The following ZBTB20 variants were observed in gnomAD, a reference collection of about 807,000 sequenced individuals.
The protein encoded by ZBTB20 is zinc finger and BTB domain containing 20.
In ZBTB20, 9 loss-of-function variants were observed where a neutral mutation model predicts 56.9. The ratio of observed to expected loss-of-function variants is 0.16; its 90% CI spans 0.10 to 0.28. ZBTB20 has a LOEUF of 0.28. Among genes scored for constraint, ZBTB20 ranks in the 10% least tolerant of loss-of-function variants. The pLI is 1.00. For missense variants in ZBTB20, 655 were observed against 1,003.0 expected (o/e 0.65, Z 4.69); for synonymous variants, 417 against 420.7 (o/e 0.99, Z 0.11).
intron 4 of ZBTB20, among the ~76,000 whole-genome samples, chr3:114,854,803 A>G (rs1476967653): frequency 1.3e-5 from 2 of 152,324 alleles, no homozygotes; most frequent in Admixed American, 6.5e-5. Flanking sequence ...ATGACATTTG[A>G]CAATGGATAC....
Position 114,564,738 on chromosome 3 carries a change from G to T in ZBTB20, c.-294-64347C>A, listed in dbSNP as rs547242865. ...CTTCTCCTAACTCTAGGAATAAAAG[G>T]CACACGTGTTTAGCTGAGAACCAAC... is the stretch of plus-strand genomic sequence containing the variant. On this transcript the variant is annotated intron_variant, in intron 6 of 11. Coordinates refer to ENST00000675478, the MANE Select transcript of ZBTB20 (RefSeq NM_001348800.3). 3.3e-5 allele frequency among the ~76,000 whole-genome samples: 5 copies of T among 152,258 alleles called. No homozygotes were observed. The East Asian group carries it at 9.7e-4, about 29-fold the overall frequency.
Position 115,037,480 on chromosome 3 carries a change from T to G in ZBTB20, c.-507+33739A>C, listed in dbSNP as rs914431426. 3.0e-4 allele frequency among the ~76,000 whole-genome samples: 45 copies of G among 152,230 alleles called. 1 individual carries two copies. Among genetic ancestry groups the G allele is most frequent in the Admixed American group, 2.9e-3 (44 of 15,292 alleles). The stretch of plus-strand genomic sequence containing the variant: ...TTGGATTTTTAGTAGAGGCAGGGTT[T>G]CAAAACGTTGGCCAGGCTGGTCTCA... On this transcript the variant is annotated intron_variant, in intron 2 of 11. Coordinates refer to ENST00000675478, the MANE Select transcript of ZBTB20 (RefSeq NM_001348800.3).
chr3:114,606,111 G>A (rs757647645), intron 6 of ZBTB20, among the ~76,000 whole-genome samples: 2 of 152,150 alleles, frequency 1.3e-5, no homozygotes, highest in Non-Finnish European at 2.9e-5. Flanking sequence ...TAAAGAGCTA[G>A]GGGAACTGAT....
chr3:114,971,058 C>T (rs903710462), intron 3 of ZBTB20, among the ~76,000 whole-genome samples: 3 of 151,720 alleles, frequency 2.0e-5, no homozygotes, highest in Non-Finnish European at 4.4e-5. Flanking sequence ...GCTACCAAGT[C>T]ATTTAGAGAG....
chr3:115,041,542 T>C (rs1168218948), intron 2 of ZBTB20, among the ~76,000 whole-genome samples: 4 of 152,184 alleles, frequency 2.6e-5, no homozygotes, highest in Admixed American at 6.5e-5. Flanking sequence ...ATACTGTAAA[T>C]TGGATTGTAT....
intron 4 of ZBTB20, among the ~76,000 whole-genome samples, chr3:114,880,739 T>A (rs1342675139): frequency 6.6e-6 from 1 of 152,006 alleles, no homozygotes; most frequent in East Asian, 1.9e-4. Flanking sequence ...TACTATATAA[T>A]CAATTAAAAA....
intron 7 of ZBTB20, among the ~76,000 whole-genome samples, chr3:114,390,461 T>C (rs1334935032): frequency 6.6e-6 from 1 of 152,198 alleles, no homozygotes; most frequent in Non-Finnish European, 1.5e-5. Context: ...TTTTCTTCCA[T>C]AGGCTCTAAC....
At chr3:114,541,178 G>A (rs1163055382) in intron 6 of ZBTB20, among the ~76,000 whole-genome samples, 1 of 152,024 alleles carries the variant, frequency 6.6e-6, no homozygotes, top group African/African-American at 2.4e-5. Context: ...AACCATTAAT[G>A]GAGGCTTAAA....
chr3:114,905,796 C>T (rs2075296552), intron 3 of ZBTB20, among the ~76,000 whole-genome samples: 1 of 151,784 alleles, frequency 6.6e-6, no homozygotes, highest in Non-Finnish European at 1.5e-5. Flanking sequence ...TAGAAAGCCT[C>T]GTTAGTTTGG....
chr3:114,441,083 T>G (rs2090890493), intron 7 of ZBTB20, among the ~76,000 whole-genome samples: 1 of 152,208 alleles, frequency 6.6e-6, no homozygotes, highest in African/African-American at 2.4e-5. Flanking sequence ...ATTATTTGTG[T>G]GACTAAAAAG....
intron 2 of ZBTB20, among the ~76,000 whole-genome samples, chr3:115,021,016 G>C (rs1560499237): frequency 6.6e-6 from 1 of 150,918 alleles, no homozygotes; most frequent in Non-Finnish European, 1.5e-5. Flanking sequence ...TGGAGTAAAA[G>C]GCAGGATACA....
intron 1 of ZBTB20, among the ~76,000 whole-genome samples, chr3:115,136,320 GA>G (rs2084652292): frequency 6.6e-6 from 1 of 152,068 alleles, no homozygotes; most frequent in Non-Finnish European, 1.5e-5. Context: ...TAAGTAAACG[GA>G]TAGCCTAGTA....
At chr3:115,111,047 A>AATAT (rs950959945) in intron 1 of ZBTB20, among the ~76,000 whole-genome samples, 3 of 143,378 alleles carry the variant, frequency 2.1e-5, no homozygotes, top group Non-Finnish European at 3.1e-5. Context: ...TAAATAAATA[A>AATAT]AAATAAAACA....
At chr3:114,953,148 A>C (rs1008974834) in intron 3 of ZBTB20, among the ~76,000 whole-genome samples, 3 of 152,072 alleles carry the variant, frequency 2.0e-5, no homozygotes, top group African/African-American at 7.2e-5. Context: ...TAAAATATTG[A>C]TTCTAAGAAG....
At chr3:115,051,590 A>G (rs923026100) in intron 2 of ZBTB20, among the ~76,000 whole-genome samples, 2 of 152,186 alleles carry the variant, frequency 1.3e-5, no homozygotes, top group Non-Finnish European at 2.9e-5. Flanking sequence ...AATACCTTCA[A>G]AATAGTTTGT....
intron 2 of ZBTB20, among the ~76,000 whole-genome samples, chr3:114,982,283 T>C (rs910756428): frequency 1.3e-5 from 2 of 152,052 alleles, no homozygotes; most frequent in African/African-American, 2.4e-5. Context: ...CACCAGTCGA[T>C]ACAACTTTTA....
At chr3:114,620,947 TG>T (rs2058280603) in intron 6 of ZBTB20, among the ~76,000 whole-genome samples, 1 of 152,210 alleles carries the variant, frequency 6.6e-6, no homozygotes, top group Non-Finnish European at 1.5e-5. Flanking sequence ...AGAAAAATTA[TG>T]GTTGCTGATG....
At chr3:114,782,709 T>C (rs1044673260) in intron 5 of ZBTB20, among the ~76,000 whole-genome samples, 2 of 152,126 alleles carry the variant, frequency 1.3e-5, no homozygotes, top group African/African-American at 4.8e-5. Flanking sequence ...AGCAATTAAT[T>C]ATAGATGGTG....
chr3:114,811,711 C>T (rs2072524626), intron 4 of ZBTB20, among the ~76,000 whole-genome samples: 1 of 152,124 alleles, frequency 6.6e-6, no homozygotes, highest in Non-Finnish European at 1.5e-5. Context: ...AATCTAGGAA[C>T]CCGTAATAGT....
Sources: allele counts gnomAD v4.1 joint callset (sites outside exome capture counted in the v4.1 genomes callset), GRCh38; gene constraint gnomAD v4.1.1; transcripts MANE v1.5; gene names NCBI Gene and HGNC (gene_info 2026-07-23, HGNC 2026-07-21).